Variants in NCAM1 observed in about 807,000 individuals in gnomAD.
NCAM1 encodes the protein antigen recognized by monoclonal antibody 5.1H11.
In NCAM1, 14 loss-of-function variants were observed where a neutral mutation model predicts 109.8. That is an observed-to-expected ratio of 0.13 (90% CI 0.08 to 0.20). The LOEUF (loss-of-function observed/expected upper bound fraction) is 0.20. Ranked by LOEUF, NCAM1 falls within the 10% of genes least tolerant of loss-of-function variation. The pLI, the probability that NCAM1 is intolerant of heterozygous loss-of-function variation, is 1.00. For missense variants in NCAM1, 774 were observed against 1,109.9 expected (o/e 0.70, Z 4.30); for synonymous variants, 418 against 442.9 (o/e 0.94, Z 0.70).
chr11:113,110,360 G>A (rs1940391003), intron 1 of NCAM1, among the ~76,000 whole-genome samples: 1 of 152,152 alleles, frequency 6.6e-6, no homozygotes, highest in Admixed American at 6.5e-5. Flanking sequence ...TGAAAACCTG[G>A]CAGAGATGAA....
intron 1 of NCAM1, among the ~76,000 whole-genome samples, chr11:113,020,639 T>C (rs1952353692): frequency 6.6e-6 from 1 of 152,192 alleles, no homozygotes. Flanking sequence ...GAAGGAGATA[T>C]AGGGACATAT....
In NCAM1 at chr11:113,270,178, C is replaced by T. The variant is rs782557800; in HGVS notation, c.2132-10C>T. On this transcript the variant is annotated splice_polypyrimidine_tract_variant and intron_variant, in intron 17 of 19. Transcript: ENST00000316851. ...TCTGTTAACCACCAGCCATCTCTCT[C>T]CCACTCAAGCCAACGGCAGCCCCAC... 6.2e-7 allele frequency: 1 copy of T among 1,613,754 alleles called. No homozygotes were observed. Among genetic ancestry groups the T allele is most frequent in the South Asian group, 1.1e-5 (1 of 91,064 alleles).
chr11:113,022,951 A>G (rs782249476), intron 1 of NCAM1, among the ~76,000 whole-genome samples: 8 of 152,352 alleles, frequency 5.3e-5, no homozygotes, highest in South Asian at 2.1e-4. Flanking sequence ...AGGAAGTTAC[A>G]TATCTCTTTA....
chr11:113,182,346 G>GGT (rs1188357030), intron 1 of NCAM1, among the ~76,000 whole-genome samples: 1 of 152,170 alleles, frequency 6.6e-6, no homozygotes. Flanking sequence ...TCAAGCAGGA[G>GGT]GTGTGGAGCG....
At chr11:113,084,096 G>A (rs910914472) in intron 1 of NCAM1, among the ~76,000 whole-genome samples, 4 of 152,146 alleles carry the variant, frequency 2.6e-5, no homozygotes, top group African/African-American at 7.2e-5. Flanking sequence ...AAAGATCTTG[G>A]TAGGAAACCT....
At chr11:113,185,894 CT>C (rs1462206028) in intron 1 of NCAM1, among the ~76,000 whole-genome samples, 2 of 152,146 alleles carry the variant, frequency 1.3e-5, no homozygotes, top group Admixed American at 1.3e-4. Flanking sequence ...GATTTTCAGG[CT>C]GTAGCAAGGA....
chr11:113,241,074 A>T (rs1449233853), intron 14 of NCAM1, among the ~76,000 whole-genome samples: 2 of 152,216 alleles, frequency 1.3e-5, no homozygotes, highest in Non-Finnish European at 2.9e-5. Flanking sequence ...AAAACCCTGC[A>T]GGCAGGATCC....
At chr11:112,988,938 G>T (rs1203382245) in intron 1 of NCAM1, among the ~76,000 whole-genome samples, 2 of 151,980 alleles carry the variant, frequency 1.3e-5, no homozygotes, top group Non-Finnish European at 2.9e-5. Flanking sequence ...AGTAGAGACA[G>T]GATTTTCTCA....
intron 1 of NCAM1, among the ~76,000 whole-genome samples, chr11:113,146,896 G>GAA (rs113609450): frequency 0.11 from 15,825 of 139,376 alleles, 952 homozygotes; most frequent in East Asian, 0.26. Flanking sequence ...TGTGTCTTAG[G>GAA]AAAAAAAAAA....
intron 1 of NCAM1, among the ~76,000 whole-genome samples, chr11:113,047,774 G>A (rs1953321250): frequency 6.6e-6 from 1 of 152,168 alleles, no homozygotes; most frequent in Non-Finnish European, 1.5e-5. Context: ...GCAGCAAGGA[G>A]AAGTGCAGGG....
At chr11:113,118,842 A>G (rs1349467028) in intron 1 of NCAM1, among the ~76,000 whole-genome samples, 1 of 152,082 alleles carries the variant, frequency 6.6e-6, no homozygotes, top group African/African-American at 2.4e-5. Context: ...ACAAGGAAAG[A>G]AAAGACCTTT....
chr11:113,213,761 C>G (rs541237115), intron 7 of NCAM1, among the ~76,000 whole-genome samples: 1 of 152,346 alleles, frequency 6.6e-6, no homozygotes, highest in East Asian at 1.9e-4. Context: ...GGCTTCCAAA[C>G]TGGTTTTCCC....
At chr11:113,046,400 C>T (rs1953267892) in intron 1 of NCAM1, among the ~76,000 whole-genome samples, 1 of 152,212 alleles carries the variant, frequency 6.6e-6, no homozygotes, top group South Asian at 2.1e-4. Flanking sequence ...GCCTCCCCAT[C>T]CCAAAACAGC....
At chr11:113,242,793 G>A (rs635596) in intron 14 of NCAM1, 1,345,419 of 1,611,638 alleles carry the variant, frequency 0.83, 562,701 homozygotes, top group South Asian at 0.91. Context: ...TCTGTCTGTC[G>A]TGTTTCCATA....
intron 1 of NCAM1, among the ~76,000 whole-genome samples, chr11:113,046,148 T>C (rs1379621041): frequency 6.6e-6 from 1 of 152,230 alleles, no homozygotes. Context: ...TAAAATACTC[T>C]GTAGAAGGCA....
intron 17 of NCAM1, chr11:113,262,782 C>T: frequency 6.4e-7 from 1 of 1,566,304 alleles, no homozygotes; most frequent in Non-Finnish European, 8.7e-7. Context: ...GGGACATCCC[C>T]ACTGCCACAT....
intron 1 of NCAM1, among the ~76,000 whole-genome samples, chr11:113,164,694 C>T (rs1942723218): frequency 6.6e-6 from 1 of 152,164 alleles, no homozygotes; most frequent in Non-Finnish European, 1.5e-5. Flanking sequence ...TTCAGAGCTT[C>T]CATGCCTTCT....
Position 113,233,179 on chromosome 11 carries a change from G to A in NCAM1, c.1555G>A (p.Glu519Lys), listed in dbSNP as rs781879302. 1 of 1,613,672 alleles carries A rather than the reference G, an allele frequency of 6.2e-7. No individual in the cohort carries two copies. Among genetic ancestry groups the A allele is most frequent in the South Asian group, 1.1e-5 (1 of 91,026 alleles). Reference sequence around the variant, plus strand: ...CTCTTCACCATCCATCGACCAGGTGGAGCCATACTCCAGCACAGCCCAGGT... The same window carrying A: ...CTCTTCACCATCCATCGACCAGGTGAAGCCATACTCCAGCACAGCCCAGGT... Reference protein sequence around the residue: ...TPSSPSIDQVEPYSSTAQVQF... With the variant: ...TPSSPSIDQVKPYSSTAQVQF... The change falls in exon 13 of 20, where the codon GAG becomes AAG. Residue 519 changes from glutamate to lysine, a missense_variant. By Grantham distance (56) the Glu-to-Lys change is moderately conservative. Coordinates refer to ENST00000316851, the MANE Select transcript of NCAM1 (RefSeq NM_181351.5). The surrounding 1 kb of genome is among the most constrained non-coding windows in gnomAD (Gnocchi z 4.5).
Position 113,276,269 on chromosome 11 carries a change from G to A in NCAM1, c.*882G>A, listed in dbSNP as rs1946398609. 1 of 152,616 alleles carries A rather than the reference G, an allele frequency of 6.6e-6. No homozygotes were observed. The highest frequency in any genetic ancestry group is 6.5e-5 in the Admixed American group (1 of 15,280). 9.5% of individuals were successfully genotyped at this position (152,616 alleles called of 1,614,324 possible). Reference sequence around the variant, plus strand: ...ACTTTACAAAACATGATTGTTTACAGCTGCTCTTCCCCTCTTTTCTGATCT... The same window carrying A: ...ACTTTACAAAACATGATTGTTTACAACTGCTCTTCCCCTCTTTTCTGATCT... On this transcript the variant is annotated 3_prime_UTR_variant, in exon 20 of 20. Transcript: ENST00000316851.
Sources: allele counts gnomAD v4.1 joint callset (sites outside exome capture counted in the v4.1 genomes callset), GRCh38; gene constraint gnomAD v4.1.1; non-coding constraint Gnocchi (gnomAD v3.1); transcripts MANE v1.5; gene names NCBI Gene and HGNC (gene_info 2026-07-23, HGNC 2026-07-21).